Variants in BRAF observed in about 807,000 individuals in gnomAD.
The protein encoded by BRAF is serine/threonine-protein kinase B-raf.
In BRAF, 16 loss-of-function variants were observed where a neutral mutation model predicts 104.6. The ratio of observed to expected loss-of-function variants is 0.15; its 90% CI spans 0.10 to 0.23. The LOEUF is 0.23. Ranked by LOEUF, BRAF falls within the 10% of genes least tolerant of loss-of-function variation. The pLI is 1.00. For synonymous variants in BRAF, 310 were observed against 341.6 expected (o/e 0.91, Z 1.02); for missense variants, 541 against 937.3 (o/e 0.58, Z 5.52).
intron 1 of BRAF, among the ~76,000 whole-genome samples, chr7:140,869,424 G>C (rs1362935673): frequency 6.6e-6 from 1 of 152,124 alleles, no homozygotes; most frequent in Non-Finnish European, 1.5e-5. Context: ...CTTGAGGTCA[G>C]GAATTCGAGA....
chr7:140,782,968 G>A (rs1437977139), intron 11 of BRAF, 53 bp downstream of exon 10: 9 of 1,589,462 alleles, frequency 5.7e-6, no homozygotes, highest in Non-Finnish European at 7.8e-6. Flanking sequence ...ACATTTGGCT[G>A]TGACTTCTAA....
chr7:140,813,037 AT>A (rs1170873181), intron 3 of BRAF, among the ~76,000 whole-genome samples: 1 of 152,168 alleles, frequency 6.6e-6, no homozygotes, highest in Admixed American at 6.5e-5. Context: ...AAGGAAAAAA[AT>A]ATTATATTCA....
intron 3 of BRAF, among the ~76,000 whole-genome samples, chr7:140,810,140 GA>G (rs1438280997): frequency 2.0e-5 from 3 of 151,664 alleles, no homozygotes; most frequent in Admixed American, 6.5e-5. Flanking sequence ...TGCTAGAGGG[GA>G]AAAAAAGGGG....
intron 18 of BRAF, among the ~76,000 whole-genome samples, chr7:140,738,923 C>CTT (rs1562933670): frequency 6.9e-6 from 1 of 144,484 alleles, no homozygotes; most frequent in Non-Finnish European, 1.5e-5. Flanking sequence ...AGTTACAGTT[C>CTT]TTTTTGAAAT....
chr7:140,735,908 G>GA (rs1421506690), intron 18 of BRAF, among the ~76,000 whole-genome samples: 1 of 152,018 alleles, frequency 6.6e-6, no homozygotes, highest in Non-Finnish European at 1.5e-5. Flanking sequence ...TCTTTATGAT[G>GA]ATTAGTATAA....
intron 2 of BRAF, chr7:140,835,260 C>T (rs528139570): frequency 2.1e-5 from 4 of 191,958 alleles, no homozygotes; most frequent in South Asian, 9.7e-5. Flanking sequence ...TATTTTGTCC[C>T]GGAAAAGTTG....
chr7:140,830,016 C>CA (rs1379225841), intron 3 of BRAF, among the ~76,000 whole-genome samples: 1 of 152,114 alleles, frequency 6.6e-6, no homozygotes, highest in Non-Finnish European at 1.5e-5. Flanking sequence ...CTTTACTTTC[C>CA]AAAATACTTA....
chr7:140,713,431 G>A, the BRAF span, among the ~76,000 whole-genome samples: 1 of 152,048 alleles, frequency 6.6e-6, no homozygotes, highest in African/African-American at 2.4e-5. Context: ...CATTCGTCAC[G>A]TAGCTCTCGT....
intron 19 of BRAF, among the ~76,000 whole-genome samples, chr7:140,730,338 C>G (rs1030931033): frequency 2.0e-5 from 3 of 151,794 alleles, no homozygotes. Context: ...TTTCTTTCCC[C>G]TTCTTTCAGG....
intron 1 of BRAF, among the ~76,000 whole-genome samples, chr7:140,896,998 A>G (rs1814995934): frequency 6.6e-6 from 1 of 152,072 alleles, no homozygotes; most frequent in Non-Finnish European, 1.5e-5. Flanking sequence ...TAACATATAA[A>G]CTTAATGCAA....
rs747265763 is a variant in BRAF at position 140,765,146 on chromosome 7, A to AT, written c.1815-10914dup. ...ACAGAGCCCTCAGAAATAACGCCAC[A>AT]TATCTACAACTATCTGATCTTTGAC... On this transcript the variant is annotated intron_variant, in intron 14 of 19. Transcript: ENST00000644969. Among the ~76,000 whole-genome samples the AT allele has an allele frequency of 2.7e-3, 411 of 152,276 alleles. 2 individuals are homozygous for AT. Among genetic ancestry groups the AT allele is most frequent in the Non-Finnish European group, 3.4e-3 (230 of 68,026 alleles).
intron 8 of BRAF, among the ~76,000 whole-genome samples, chr7:140,790,882 G>A (rs1254723545): frequency 3.3e-5 from 5 of 152,136 alleles, no homozygotes; most frequent in South Asian, 4.2e-4. Context: ...GGAGGTGGGC[G>A]GATCACTTGA....
intron 2 of BRAF, 86 bp from the exon 3 acceptor site, chr7:140,834,958 A>T (rs1807167207): frequency 1.3e-6 from 2 of 1,496,886 alleles, no homozygotes; most frequent in African/African-American, 2.8e-5. Context: ...CTTTGATTAT[A>T]ATCTTTTCAC....
intron 1 of BRAF, among the ~76,000 whole-genome samples, chr7:140,897,639 C>T (rs140988058): frequency 0.015 from 2,204 of 151,372 alleles, 56 homozygotes; most frequent in African/African-American, 0.05. Context: ...GGACTACAGG[C>T]ACACACCACC....
At chr7:140,913,605 C>T (rs1414833871) in intron 1 of BRAF, among the ~76,000 whole-genome samples, 1 of 150,122 alleles carries the variant, frequency 6.7e-6, no homozygotes, top group Non-Finnish European at 1.5e-5. Flanking sequence ...GCCTCAGCCT[C>T]CAGAGTAGCT....
Position 140,781,254 on chromosome 7 carries a change from T to C in BRAF, c.1552+322A>G, listed in dbSNP as rs567171475. ...CCATTAAGTACATTTTTAATATGTTTACTTGTGACTTATAATACAAATAAA... is the reference window on the plus strand; with the variant it reads ...CCATTAAGTACATTTTTAATATGTTCACTTGTGACTTATAATACAAATAAA... On this transcript the variant is annotated intron_variant, in intron 12 of 19. Coordinates refer to ENST00000644969, the MANE Select transcript of BRAF (RefSeq NM_001374258.1). 4.4e-4 allele frequency: 154 copies of C among 348,200 alleles called. 4 individuals are homozygous for C. Among genetic ancestry groups the C allele is most frequent in the Non-Finnish European group, 4.0e-4 (74 of 183,364 alleles). 21.6% of individuals were successfully genotyped at this position (348,200 alleles called of 1,614,324 possible). A position where few individuals can be genotyped will look rare whatever the true frequency, so the allele number is the denominator to read the frequency against.
chr7:140,913,152 TA>T lies in BRAF; in HGVS notation c.138+11413del, dbSNP rs757581296. 7.9e-5 allele frequency among the ~76,000 whole-genome samples: 12 copies of T among 151,330 alleles called. 1 individual carries two copies. In the South Asian group the frequency reaches 8.3e-4, roughly 10 times the overall value. The stretch of plus-strand genomic sequence containing the variant: ...TTGCTACCTACCCCCATCCCAGCCC[TA>T]AACTGTTTAACTTTCATTGCTCCAC... On this transcript the variant is annotated intron_variant, in intron 1 of 19. Coordinates refer to ENST00000644969, the MANE Select transcript of BRAF (RefSeq NM_001374258.1).
At chr7:140,846,145 A>T (rs1808519973) in intron 2 of BRAF, among the ~76,000 whole-genome samples, 1 of 152,250 alleles carries the variant, frequency 6.6e-6, no homozygotes, top group East Asian at 1.9e-4. Context: ...TGATCCTGCA[A>T]TTCTACTCCT....
intron 1 of BRAF, among the ~76,000 whole-genome samples, chr7:140,913,389 C>T (rs1817218437): frequency 6.6e-6 from 1 of 150,610 alleles, no homozygotes; most frequent in South Asian, 2.1e-4. Flanking sequence ...TACATGAATA[C>T]CTGTTGCCCT....
Sources: gnomAD v4.1 joint callset for allele counts (sites outside exome capture counted in the v4.1 genomes callset) on GRCh38, gnomAD v4.1.1 for gene constraint, MANE v1.5 for transcripts, NCBI Gene and HGNC (gene_info 2026-07-23, HGNC 2026-07-21) for gene names.